Variants in ATP8A2 observed in about 807,000 individuals in gnomAD.
The protein encoded by ATP8A2 is ATPase phospholipid transporting 8A2.
In ATP8A2, 100 loss-of-function variants were observed where a neutral mutation model predicts 165.6. The ratio of observed to expected loss-of-function variants is 0.60; its 90% CI spans 0.51 to 0.71. The LOEUF is 0.71. ATP8A2 is among the 30% of genes least tolerant of loss of function. The probability of loss-of-function intolerance (pLI) is 0.00; values close to 1 mark genes in which losing one functional copy is unlikely to be tolerated. For synonymous variants in ATP8A2, 543 were observed against 548.8 expected (o/e 0.99, Z 0.15); for missense variants, 1,227 against 1,479.5 (o/e 0.83, Z 2.80).
chr13:25,669,219 C>T (rs188731431), intron 24 of ATP8A2, among the ~76,000 whole-genome samples: 64 of 152,170 alleles, frequency 4.2e-4, no homozygotes, highest in African/African-American at 1.5e-3. Context: ...TTGAGGGCTG[C>T]CATCTGTTTA....
intron 2 of ATP8A2, among the ~76,000 whole-genome samples, chr13:25,475,336 G>A (rs1055398993): frequency 1.1e-4 from 16 of 152,032 alleles, no homozygotes; most frequent in Non-Finnish European, 1.5e-4. Flanking sequence ...CCACATTCCC[G>A]CAAAAGACAT....
chr13:26,001,912 T>C (rs1956637409), intron 35 of ATP8A2, among the ~76,000 whole-genome samples: 1 of 152,248 alleles, frequency 6.6e-6, no homozygotes, highest in Non-Finnish European at 1.5e-5. Flanking sequence ...GTTACTTGCA[T>C]TTGGCCATTG....
chr13:25,981,465 G>A (rs954674466), intron 35 of ATP8A2, among the ~76,000 whole-genome samples: 6 of 152,118 alleles, frequency 3.9e-5, no homozygotes, highest in African/African-American at 1.4e-4. Context: ...TTGAAAAATA[G>A]CAATATGTAA....
At chr13:25,930,427 T>C (rs1433886192) in intron 33 of ATP8A2, among the ~76,000 whole-genome samples, 1 of 151,314 alleles carries the variant, frequency 6.6e-6, no homozygotes, top group East Asian at 2.0e-4. Context: ...TCAGGGCCTT[T>C]GTGTGGGCTA....
chr13:25,772,739 T>A (rs666513), intron 26 of ATP8A2, among the ~76,000 whole-genome samples: 69,654 of 147,424 alleles, frequency 0.47, 17,784 homozygotes, highest in African/African-American at 0.67. Flanking sequence ...TTAATTAATT[T>A]ATTTATTTAT....
chr13:25,699,211 T>G lies in ATP8A2; in HGVS notation c.2250T>G (p.Leu750=), dbSNP rs1387789201. The G allele has an allele frequency of 1.2e-6, 2 of 1,612,268 alleles. No homozygotes were observed. The highest frequency in any genetic ancestry group is 1.7e-6 in the Non-Finnish European group (2 of 1,179,064). Residue 750 remains leucine, a synonymous_variant, in exon 25 of 37, where the codon CTT becomes CTG. Transcript: ENST00000381655. ...CCATTACTCAGCACTGCACTGACCTTGGGAATTTGCTGGGCAAGGAAAATG... is the reference window on the plus strand; with the variant it reads ...CCATTACTCAGCACTGCACTGACCTGGGGAATTTGCTGGGCAAGGAAAATG... The part of the protein sequence containing the change: ...RAAITQHCTD[L]GNLLGKENDV...
At chr13:25,377,629 A>G (rs2032681367) in intron 1 of ATP8A2, among the ~76,000 whole-genome samples, 2 of 152,074 alleles carry the variant, frequency 1.3e-5, no homozygotes, top group South Asian at 4.2e-4. Context: ...GTGAAACCCT[A>G]AAAGTACAAA....
Position 25,372,143 on chromosome 13 carries a change from C to A in ATP8A2, c.-70C>A, listed in dbSNP as rs1410559635. On this transcript the variant is annotated 5_prime_UTR_variant, in exon 1 of 37. Transcript: ENST00000381655. The surrounding 1 kb of genome is among the most constrained non-coding windows in gnomAD (Gnocchi z 4.8). ...CCCACCCATGGTCCTCGGGCGGCGGCCCCTGCGCCCAGCCCTGCGCGTAGC... is the reference window on the plus strand; with the variant it reads ...CCCACCCATGGTCCTCGGGCGGCGGACCCTGCGCCCAGCCCTGCGCGTAGC... The A allele has an allele frequency of 1.1e-5, 12 of 1,120,960 alleles. No homozygotes were observed. The South Asian group carries it at 2.8e-4, about 26-fold the overall frequency. 69.4% of individuals were successfully genotyped at this position (1,120,960 alleles called of 1,614,324 possible).
At chr13:25,939,757 G>A (rs78279788) in intron 33 of ATP8A2, among the ~76,000 whole-genome samples, 16,225 of 152,120 alleles carry the variant, frequency 0.11, 993 homozygotes, top group African/African-American at 0.16. Context: ...TCCCTGGTTC[G>A]GCTGCCTCCT....
chr13:25,495,541 G>T (rs2036649525), intron 2 of ATP8A2, among the ~76,000 whole-genome samples: 1 of 151,710 alleles, frequency 6.6e-6, no homozygotes. Flanking sequence ...CTCATTGCAG[G>T]CTCCAACTCC....
At chr13:25,395,723 G>C (rs1055306400) in intron 1 of ATP8A2, among the ~76,000 whole-genome samples, 1 of 152,140 alleles carries the variant, frequency 6.6e-6, no homozygotes, top group African/African-American at 2.4e-5. Context: ...TTTTTGTAGA[G>C]ATGGGGTCTT....
At chr13:25,529,695 G>A (rs1054661290) in intron 2 of ATP8A2, among the ~76,000 whole-genome samples, 1 of 152,176 alleles carries the variant, frequency 6.6e-6, no homozygotes, top group African/African-American at 2.4e-5. Flanking sequence ...CACGCCTGCT[G>A]TTCATAGCAT....
intron 30 of ATP8A2, among the ~76,000 whole-genome samples, chr13:25,842,070 T>G (rs1951757305): frequency 6.6e-6 from 1 of 152,176 alleles, no homozygotes; most frequent in Admixed American, 6.5e-5. Context: ...GCGGGCTGCA[T>G]TCAAACCAGA....
intron 25 of ATP8A2, among the ~76,000 whole-genome samples, chr13:25,716,423 T>G (rs529986501): frequency 3.9e-5 from 6 of 152,346 alleles, no homozygotes; most frequent in African/African-American, 1.4e-4. Context: ...TTTACTCCTA[T>G]GTTTTCCCTT....
At chr13:25,895,457 G>T (rs1267018606) in intron 33 of ATP8A2, among the ~76,000 whole-genome samples, 1 of 152,152 alleles carries the variant, frequency 6.6e-6, no homozygotes, top group Non-Finnish European at 1.5e-5. Flanking sequence ...GAGGATTTTT[G>T]CATCAATGTT....
intron 1 of ATP8A2, among the ~76,000 whole-genome samples, chr13:25,384,312 T>C (rs1009572431): frequency 6.6e-6 from 1 of 152,224 alleles, no homozygotes; most frequent in Non-Finnish European, 1.5e-5. Flanking sequence ...ATTCCATTTG[T>C]TGTCTGGTCA....
intron 1 of ATP8A2, among the ~76,000 whole-genome samples, chr13:25,439,317 A>G (rs1465783181): frequency 6.6e-6 from 1 of 152,126 alleles, no homozygotes; most frequent in African/African-American, 2.4e-5. Flanking sequence ...GAGGCAGGAA[A>G]TGCTTCAGGG....
intron 2 of ATP8A2, among the ~76,000 whole-genome samples, chr13:25,511,024 A>C (rs1164618637): frequency 6.6e-6 from 1 of 152,146 alleles, no homozygotes; most frequent in Non-Finnish European, 1.5e-5. Flanking sequence ...AATTCTTTGG[A>C]GGTTTCTACC....
chr13:25,695,171 T>A (rs987617752), intron 24 of ATP8A2, among the ~76,000 whole-genome samples: 2 of 151,986 alleles, frequency 1.3e-5, no homozygotes, highest in Admixed American at 1.3e-4. Flanking sequence ...ATAAAAGTTA[T>A]GTTTACACGG....
Sources: gnomAD v4.1 joint callset for allele counts (sites outside exome capture counted in the v4.1 genomes callset) on GRCh38, gnomAD v4.1.1 for gene constraint, Gnocchi (gnomAD v3.1) non-coding constraint, MANE v1.5 for transcripts, NCBI Gene and HGNC (gene_info 2026-07-23, HGNC 2026-07-21) for gene names.